Variants in COL5A1 observed in about 807,000 individuals in gnomAD.
The protein encoded by COL5A1 is collagen alpha-1(V) chain.
Under a neutral mutation model 263.7 loss-of-function variants are expected in COL5A1, and 16 were observed. The observed-to-expected ratio is 0.06, with a 90% CI of 0.04 to 0.09. The LOEUF (loss-of-function observed/expected upper bound fraction) is 0.09. Ranked by LOEUF, COL5A1 falls within the 10% of genes least tolerant of loss-of-function variation. The pLI is 1.00. For missense variants in COL5A1, 2,036 were observed against 2,540.5 expected (o/e 0.80, Z 4.27); for synonymous variants, 1,012 against 1,004.5 (o/e 1.01, Z -0.14).
chr9:134,812,053 C>T (rs896224087), intron 46 of COL5A1, among the ~76,000 whole-genome samples: 2 of 152,158 alleles, frequency 1.3e-5, no homozygotes, highest in African/African-American at 4.8e-5. Flanking sequence ...TCCTCCATTC[C>T]CGTTTTATGT....
intron 1 of COL5A1, among the ~76,000 whole-genome samples, chr9:134,670,510 G>C (rs1008876456): frequency 6.6e-6 from 1 of 152,156 alleles, no homozygotes; most frequent in Non-Finnish European, 1.5e-5. Flanking sequence ...GAGAGGCAGT[G>C]GGGAGCTGTG....
At chr9:134,823,949 C>T (rs189318067) in intron 61 of COL5A1, among the ~76,000 whole-genome samples, 6 of 151,726 alleles carry the variant, frequency 4.0e-5, no homozygotes, top group East Asian at 1.9e-4. Context: ...ATATTGTATA[C>T]GTGCATGCAT....
chr9:134,824,843 G>A lies in COL5A1; in HGVS notation c.4942G>A (p.Asp1648Asn), dbSNP rs771354369. 1.3e-5 allele frequency: 21 copies of A among 1,612,320 alleles called. No homozygotes were observed. The highest frequency in any genetic ancestry group is 8.0e-5 in the African/African-American group (6 of 74,926). ...TCKDLQLCHP[D>N]FPDGEYWVDP... ...CAAGGACCTGCAGCTCTGCCACCCC[G>A]ACTTCCCAGATGGTGAGGGCCTGGG... Residue 1648 changes from aspartate (D) to asparagine (N), a missense_variant, in exon 62 of 66, where the codon GAC (aspartate) becomes AAC (asparagine). Asp to Asn is a conservative substitution (Grantham distance 23, BLOSUM62 1). Coordinates refer to ENST00000371817, the MANE Select transcript of COL5A1 (RefSeq NM_000093.5).
Position 134,730,164 on chromosome 9 carries a change from C to T in COL5A1, c.925-72C>T, listed in dbSNP as rs887200917. ...ACTGAGATGCCTGCACCCGGACATGCGGCAAGTCCCAGACCTGGCACCACT... is the reference window on the plus strand; with the variant it reads ...ACTGAGATGCCTGCACCCGGACATGTGGCAAGTCCCAGACCTGGCACCACT... On this transcript the variant is annotated intron_variant, in intron 6 of 65. Transcript: ENST00000371817. The T allele has an allele frequency of 1.2e-5, 19 of 1,594,042 alleles. No homozygotes were observed. In the African/African-American group the frequency reaches 1.2e-4, roughly 10 times the overall value.
chr9:134,772,824 A>C lies in COL5A1; in HGVS notation c.2321A>C (p.Lys774Thr), dbSNP rs1564449370. The change falls in exon 26 of 66, where the codon AAA (lysine) becomes ACA (threonine). Residue 774 changes from lysine (K) to threonine (T), a missense_variant. By Grantham distance (78) the Lys-to-Thr change is moderately conservative. Around this residue, in one of 3 missense-constraint regions of COL5A1, gnomAD observed 1,078 missense variants for 1,521.4 expected, o/e 0.71. Coordinates refer to ENST00000371817, the MANE Select transcript of COL5A1 (RefSeq NM_000093.5). ...GGCAAAGAAGGCCCTCCAGGAGAGA[A>C]AGGAGGTCAGGTGGGTGCTCGCCAC... ...HPGKEGPPGE[K>T]GGQGPPGPQG... 3.1e-6 allele frequency: 5 copies of C among 1,613,926 alleles called. No homozygotes were observed. Among genetic ancestry groups the C allele is most frequent in the Non-Finnish European group, 4.2e-6 (5 of 1,180,022 alleles).
At chr9:134,658,050 A>C (rs1832079357) in intron 1 of COL5A1, among the ~76,000 whole-genome samples, 1 of 151,908 alleles carries the variant, frequency 6.6e-6, no homozygotes, top group African/African-American at 2.4e-5. Flanking sequence ...TCGCTGGGGA[A>C]AGCAACCCTG....
intron 27 of COL5A1, among the ~76,000 whole-genome samples, chr9:134,779,343 G>A (rs1427184960): frequency 1.3e-5 from 2 of 152,248 alleles, no homozygotes; most frequent in African/African-American, 4.8e-5. Flanking sequence ...CACAGTGAGA[G>A]TGTCAGAGAA....
Position 134,834,994 on chromosome 9 carries a change from C to T in COL5A1, c.5160C>T (p.Gly1720=). The T allele has an allele frequency of 3.7e-6, 6 of 1,613,660 alleles. No homozygotes were observed. The highest frequency in any genetic ancestry group is 5.1e-6 in the Non-Finnish European group (6 of 1,179,988). Residue 1720 remains glycine (G), a synonymous_variant, in exon 65 of 66, where the codon GGC becomes GGT. Transcript: ENST00000371817. The part of the protein sequence containing the change: ...GKLLSYVDAE[G]NPVGVVQMTF... Reference sequence around the variant, plus strand: ...AGCTCTCCTATGTGGACGCCGAGGGCAACCCTGTGGGTGTGGTACAGATGA... The same window carrying T: ...AGCTCTCCTATGTGGACGCCGAGGGTAACCCTGTGGGTGTGGTACAGATGA...
chr9:134,774,235 C>G (rs751824477), intron 26 of COL5A1, among the ~76,000 whole-genome samples: 11 of 152,222 alleles, frequency 7.2e-5, no homozygotes, highest in Non-Finnish European at 1.3e-4. Context: ...AGAGCTGCAG[C>G]CTTGCAGAGG....
In COL5A1 at chr9:134,809,235, T is replaced by C; in HGVS notation, c.3419T>C (p.Val1140Ala). The C allele has an allele frequency of 6.2e-7, 1 of 1,607,524 alleles. No homozygotes were observed. Among genetic ancestry groups the C allele is most frequent in the Non-Finnish European group, 8.5e-7 (1 of 1,177,364 alleles). ...GGCCGAGACGGTCTCCAGGGGCCTG[T>C]GGGGCTCCCGGGTCCAGCTGGCCCT... ...PAGRDGLQGP[V>A]GLPGPAGPVG... The change falls in exon 43 of 66, where the codon GTG becomes GCG. Residue 1140 changes from valine to alanine, a missense_variant. Physicochemically the swap from Val to Ala is moderately conservative, Grantham distance 64 (BLOSUM62 0). This residue lies in a region of COL5A1 where 1,078 missense variants were observed against 1,521.4 expected (regional missense o/e 0.71). Transcript: ENST00000371817.
chr9:134,674,069 G>A (rs1199458911), intron 1 of COL5A1, among the ~76,000 whole-genome samples: 2 of 152,216 alleles, frequency 1.3e-5, no homozygotes. Context: ...TCTTGGTGGG[G>A]ATGCAAAGGG....
intron 4 of COL5A1, among the ~76,000 whole-genome samples, chr9:134,720,315 A>G (rs1834406656): frequency 6.6e-6 from 1 of 152,160 alleles, no homozygotes; most frequent in Admixed American, 6.5e-5. Flanking sequence ...GCTGCCCACC[A>G]GCCCCTGGCC....
rs142962854 is a variant in COL5A1 at position 134,680,179 on chromosome 9, C to G, written c.110-10733C>G. On this transcript the variant is annotated intron_variant, in intron 1 of 65. Transcript: ENST00000371817. The surrounding 1 kb of genome is among the most constrained non-coding windows in gnomAD (Gnocchi z 5.9). The stretch of plus-strand genomic sequence containing the variant: ...GGAATGATGAGCTGGGAGCCATGAA[C>G]AAGCGCAGTGCCTCTGGGTACCTCA... Among the ~76,000 whole-genome samples, 11 of 152,318 alleles carry G rather than the reference C, an allele frequency of 7.2e-5. No homozygotes were observed. The East Asian group carries it at 1.9e-3, about 27-fold the overall frequency.
chr9:134,830,103 TAC>T, intron 64 of COL5A1, 59 bp downstream of exon 64: 1 of 1,613,336 alleles, frequency 6.2e-7, no homozygotes, highest in Non-Finnish European at 8.5e-7. Context: ...TCTCGTATCT[TAC>T]AGAGTAAAAT....
rs369553063 is a variant in COL5A1, at chr9:134,784,979, T to C, written c.2485-10T>C. On this transcript the variant is annotated splice_polypyrimidine_tract_variant and intron_variant, in intron 29 of 65. Coordinates refer to ENST00000371817, the MANE Select transcript of COL5A1 (RefSeq NM_000093.5). ...GGTGGTCTTCTCACCTCCTCTTTTC[T>C]GGCTTGCAGGGGGAGATCGGCCCAC... 2.5e-5 allele frequency: 41 copies of C among 1,608,070 alleles called. No individual in the cohort carries two copies. Among genetic ancestry groups the C allele is most frequent in the Middle Eastern group, 1.6e-4 (1 of 6,076 alleles).
chr9:134,677,547 G>T lies in COL5A1; in HGVS notation c.110-13365G>T, dbSNP rs1052837067. On this transcript the variant is annotated intron_variant, in intron 1 of 65. Transcript: ENST00000371817. This position sits in a 1 kb window ranked among gnomAD's most constrained non-coding sequence, Gnocchi z 4.4. ...CCCCTGATGCTGAAATGATAGGAGG[G>T]TGAGGTTTATCAGCGGGATCTTCGG... Among the ~76,000 whole-genome samples the T allele has an allele frequency of 6.6e-6, 1 of 152,140 alleles. No homozygotes were observed. The highest frequency in any genetic ancestry group is 6.5e-5 in the Admixed American group (1 of 15,274).
chr9:134,675,912 A>G (rs947295127), intron 1 of COL5A1, among the ~76,000 whole-genome samples: 2 of 152,170 alleles, frequency 1.3e-5, no homozygotes, highest in Non-Finnish European at 2.9e-5. Flanking sequence ...TGCTTCCATC[A>G]CGATCTATCA....
rs1036558024 is a variant in COL5A1, at chr9:134,842,498, C to G, written c.*195C>G. 5 of 669,362 alleles carry G rather than the reference C, an allele frequency of 7.5e-6. No homozygotes were observed. The highest frequency in any genetic ancestry group is 1.8e-5 in the African/African-American group (1 of 55,652). 41.5% of individuals were successfully genotyped at this position (669,362 alleles called of 1,614,324 possible). On this transcript the variant is annotated 3_prime_UTR_variant, in exon 66 of 66. Transcript: ENST00000371817. This position sits in a 1 kb window ranked among gnomAD's most constrained non-coding sequence, Gnocchi z 5.8. ...GAACAGAGGGAAGGAGCCGCGCCCC[C>G]ACCTGGAGCTGAATCACATGACCTA...
chr9:134,669,762 C>T (rs933821050), intron 1 of COL5A1, among the ~76,000 whole-genome samples: 1 of 152,120 alleles, frequency 6.6e-6, no homozygotes, highest in Non-Finnish European at 1.5e-5. Context: ...CCTGGCTCTC[C>T]GCAGAGGTGG....
Sources: gnomAD v4.1 joint callset for allele counts (sites outside exome capture counted in the v4.1 genomes callset) on GRCh38, gnomAD v4.1.1 for gene constraint, gnomAD v4.1.1 regional missense constraint, Gnocchi (gnomAD v3.1) non-coding constraint, MANE v1.5 for transcripts, NCBI Gene and HGNC (gene_info 2026-07-23, HGNC 2026-07-21) for gene names.